Variants in RPL13A observed in about 807,000 individuals in gnomAD.
The protein encoded by RPL13A is ribosomal protein L13a, also known as large ribosomal subunit protein uL13.
In RPL13A, 4 loss-of-function variants were observed where a neutral mutation model predicts 30.8. The ratio of observed to expected loss-of-function variants is 0.13; its 90% confidence interval spans 0.06 to 0.30. The LOEUF (loss-of-function observed/expected upper bound fraction) is 0.30, where lower values mean the gene tolerates loss of function less well. RPL13A is among the 10% of genes least tolerant of loss of function. The pLI is 1.00. For synonymous variants in RPL13A, 108 were observed against 104.2 expected, an observed-to-expected ratio of 1.04 and a Z score of -0.22; for missense variants, 196 against 272.6, an observed-to-expected ratio of 0.72 and a Z score of 1.98.
chr19:49,489,964 G>A, intron 2 of RPL13A, 42 bp downstream of exon 2: 9 of 1,464,784 alleles, frequency 6.1e-6, no homozygotes, highest in Non-Finnish European at 8.6e-6. Flanking sequence ...GGCCCCCGCT[G>A]GAGGTCAGTG....
Position 49,491,853 on chromosome 19 carries a change from C to T in RPL13A, c.*38C>T. On this transcript the variant is annotated 3_prime_UTR_variant, in exon 8 of 8. Coordinates refer to ENST00000391857, the MANE Select transcript of RPL13A (RefSeq NM_012423.4). ...CTGTTAATTCCTCATGCGTTGCCTG[C>T]CCTTCCTCCATTGTTGCCCTGGAAT... The T allele has an allele frequency of 6.6e-7, 1 of 1,504,234 alleles. No homozygotes were observed. The highest frequency in any genetic ancestry group is 9.1e-7 in the Non-Finnish European group (1 of 1,099,106). 93.2% of individuals were successfully genotyped at this position (1,504,234 alleles called of 1,614,324 possible). A position where few individuals can be genotyped will look rare whatever the true frequency, so the allele number is the denominator to read the frequency against.
intron 1 of RPL13A, 36 bp from the exon 2 acceptor site, chr19:49,489,814 C>T (rs569496410): frequency 2.1e-5 from 31 of 1,491,224 alleles, no homozygotes; most frequent in Non-Finnish European, 2.7e-5. Context: ...AAAGGCTGTC[C>T]TTGTCTCTGA....
In RPL13A at chr19:49,489,833, G is replaced by A; in HGVS notation, c.16-17G>A. ...GCTGTCCTTGTCTCTGAGTCCTTTT[G>A]CCCTTGTCTCCCACAGGTCCTGGTG... On this transcript the variant is annotated splice_polypyrimidine_tract_variant and intron_variant, in intron 1 of 7. Transcript: ENST00000391857. 1 of 1,554,322 alleles carries A rather than the reference G, an allele frequency of 6.4e-7. No homozygotes were observed. The highest frequency in any genetic ancestry group is 8.5e-7 in the Non-Finnish European group (1 of 1,171,592).
intron 6 of RPL13A, 72 bp downstream of exon 6, chr19:49,491,171 G>C (rs1361027020): frequency 6.5e-7 from 1 of 1,536,194 alleles, no homozygotes; most frequent in South Asian, 1.1e-5. Flanking sequence ...GGGACCTGGA[G>C]CCTGGCAGAT....
chr19:49,490,995 T>C, intron 5 of RPL13A, 45 bp from the exon 6 acceptor site: 1 of 1,612,676 alleles, frequency 6.2e-7, no homozygotes, highest in Non-Finnish European at 8.5e-7. Context: ...CCTCCTTCCC[T>C]GTCTGTCCCT....
chr19:49,491,317 C>T, intron 6 of RPL13A, 108 bp from the exon 7 acceptor site: 2 of 1,209,102 alleles, frequency 1.7e-6, no homozygotes, highest in East Asian at 4.6e-5. Context: ...TATGATATGC[C>T]CAGCTGTCAG....
rs112698875 is a variant in RPL13A, at chr19:49,492,079, T to G, written c.*264T>G. On this transcript the variant is annotated 3_prime_UTR_variant, in exon 8 of 8. Coordinates refer to ENST00000391857, the MANE Select transcript of RPL13A (RefSeq NM_012423.4). ...AGTGAAAGGGAGCCAGAAGACTGAT[T>G]GGAGGGCCCTATCTTGTGAGTGGGG... 1 of 433,924 alleles carries G rather than the reference T, an allele frequency of 2.3e-6. No individual in the cohort carries two copies. Among genetic ancestry groups the G allele is most frequent in the East Asian group, 4.6e-5 (1 of 21,936 alleles). The allele number at this position is 433,924 out of a possible 1,614,324, so 26.9% of individuals were successfully genotyped here. A position where few individuals can be genotyped will look rare whatever the true frequency, so the allele number is the denominator to read the frequency against.
In RPL13A at chr19:49,490,197, C is replaced by T. The variant is rs530323064; in HGVS notation, c.89-35C>T. On this transcript the variant is annotated intron_variant, in intron 2 of 7. Transcript: ENST00000391857. ...CATAGGCAGTGGTGGGACCCTCAGG[C>T]GGCTCGGCCCTGCTAAGCCTTTCCC... 6.7e-5 allele frequency: 107 copies of T among 1,604,056 alleles called. No homozygotes were observed. In the East Asian group the frequency reaches 1.7e-3, roughly 25 times the overall value.
chr19:49,488,260 C>T (rs1853907210), intron 1 of RPL13A, among the ~76,000 whole-genome samples: 1 of 152,100 alleles, frequency 6.6e-6, no homozygotes, highest in South Asian at 2.1e-4. Flanking sequence ...TACTGGAAGT[C>T]GAGAGCTGTG....
chr19:49,487,745 A>G (rs1003611805), intron 1 of RPL13A, 101 bp downstream of exon 1: 9 of 1,260,556 alleles, frequency 7.1e-6, no homozygotes, highest in African/African-American at 3.2e-5. Context: ...GGAGCTTAAC[A>G]TCCATAATGA....
Position 49,488,052 on chromosome 19 carries a change from T to C in RPL13A, c.15+408T>C, listed in dbSNP as rs539919895. Among the ~76,000 whole-genome samples the C allele has an allele frequency of 3.4e-3, 513 of 152,176 alleles. 6 individuals are homozygous for C. The highest frequency in any genetic ancestry group is 0.012 in the African/African-American group (494 of 41,516). ...ATGAGAAACTGAGTTTTGGCCAAAA[T>C]GGAAGGTATTTTTATCCCGCTCAGT... On this transcript the variant is annotated intron_variant, in intron 1 of 7. Transcript: ENST00000391857.
chr19:49,488,859 C>G (rs1319626602), intron 1 of RPL13A, among the ~76,000 whole-genome samples: 2 of 152,218 alleles, frequency 1.3e-5, no homozygotes, highest in African/African-American at 4.8e-5. Context: ...GTGCCTGCCA[C>G]GACGCTTGGC....
In RPL13A at chr19:49,487,629, G is replaced by A. The variant is rs1339491594; in HGVS notation, c.-1G>A. On this transcript the variant is annotated 5_prime_UTR_variant, in exon 1 of 8. Transcript: ENST00000391857. ...CCTCCTTTTCCAAGCGGCTGCCGAA[G>A]ATGGCGGAGGTGCAGGTATGGGCTC... The A allele has an allele frequency of 1.9e-6, 3 of 1,574,612 alleles. No individual in the cohort carries two copies. Among genetic ancestry groups the A allele is most frequent in the African/African-American group, 1.4e-5 (1 of 73,568 alleles).
chr19:49,489,055 C>T (rs904959823), intron 1 of RPL13A, among the ~76,000 whole-genome samples: 4 of 152,308 alleles, frequency 2.6e-5, no homozygotes, highest in East Asian at 3.9e-4. Flanking sequence ...AGCAGTTTAC[C>T]GGGGAAAGCA....
intron 6 of RPL13A, 114 bp from the exon 7 acceptor site, chr19:49,491,311 A>T: frequency 8.5e-7 from 1 of 1,182,012 alleles, no homozygotes. Context: ...TTGCATTATG[A>T]TATGCCCAGC....
At position 49,490,249 on chromosome 19, in the gene RPL13A, G is replaced by C. The variant is rs763064905; in HGVS notation, c.106G>C (p.Val36Leu). ...CCCTCTAGGCCGGAAGGTGGTGGTC[G>C]TACGCTGTGAAGGCATCAACATTTC... is the stretch of plus-strand genomic sequence containing the variant. ...QVLLGRKVVV[V>L]RCEGINISGN... Residue 36 changes from valine to leucine, a missense_variant, in exon 3 of 8, where the codon GTA (valine) becomes CTA (leucine). Transcript: ENST00000391857. 1 of 1,614,136 alleles carries C rather than the reference G, an allele frequency of 6.2e-7. No individual in the cohort carries two copies. Among genetic ancestry groups the C allele is most frequent in the Admixed American group, 1.7e-5 (1 of 60,030 alleles).
chr19:49,491,592 C>T, intron 7 of RPL13A, 45 bp downstream of exon 7: 3 of 1,554,586 alleles, frequency 1.9e-6, no homozygotes, highest in East Asian at 2.4e-5. Context: ...CACTCCTGGA[C>T]AGGCCTGGCA....
intron 2 of RPL13A, 108 bp from the exon 3 acceptor site, chr19:49,490,124 C>T (rs1169320472): frequency 1.7e-6 from 2 of 1,191,910 alleles, no homozygotes; most frequent in African/African-American, 1.5e-5. Flanking sequence ...TTCATTTAAA[C>T]AGGAACTTAG....
chr19:49,491,858 C>T lies in RPL13A; in HGVS notation c.*43C>T, dbSNP rs774809592. On this transcript the variant is annotated 3_prime_UTR_variant, in exon 8 of 8. Transcript: ENST00000391857. ...AATTCCTCATGCGTTGCCTGCCCTT[C>T]CTCCATTGTTGCCCTGGAATGTACG... 5 of 1,482,966 alleles carry T rather than the reference C, an allele frequency of 3.4e-6. No homozygotes were observed. The highest frequency in any genetic ancestry group is 4.6e-6 in the Non-Finnish European group (5 of 1,082,022). The allele number at this position is 1,482,966 out of a possible 1,614,324, so 91.9% of individuals were successfully genotyped here.
Sources: allele counts gnomAD v4.1 joint callset (sites outside exome capture counted in the v4.1 genomes callset), GRCh38; gene constraint gnomAD v4.1.1; transcripts MANE v1.5; gene names NCBI Gene and HGNC (gene_info 2026-07-23, HGNC 2026-07-21).